NFKBIE: variants seen among roughly 807,000 people sequenced by gnomAD.
NFKBIE encodes the protein NFKB inhibitor epsilon.
A neutral mutation model predicts 31.6 loss-of-function variants in NFKBIE; 11 were observed. The observed-to-expected ratio is 0.35, with a 90% CI of 0.22 to 0.58. NFKBIE has a LOEUF of 0.58. Among genes scored for constraint, NFKBIE ranks in the 20% least tolerant of loss-of-function variants. NFKBIE has a pLI of 0.83. For missense variants in NFKBIE, 354 were observed against 465.7 expected, an observed-to-expected ratio of 0.76 and a Z score of 2.21; for synonymous variants, 208 against 210.1, an observed-to-expected ratio of 0.99 and a Z score of 0.09.
Position 44,265,488 on chromosome 6 carries a change from CG to C in NFKBIE, c.-143del, listed in dbSNP as rs1346777338. 6.5e-7 allele frequency: 1 copy of C among 1,532,364 alleles called. No individual in the cohort carries two copies. Among genetic ancestry groups the C allele is most frequent in the Non-Finnish European group, 8.8e-7 (1 of 1,142,324 alleles). 94.9% of individuals were successfully genotyped at this position (1,532,364 alleles called of 1,614,324 possible). A position where few individuals can be genotyped will look rare whatever the true frequency, so the allele number is the denominator to read the frequency against. ...GCCTCCTTCCCGGGCTGTGGGGCTC[CG>C]AGGGGCCGGCGCGCAGCGAGGACAA... On this transcript the variant is annotated 5_prime_UTR_variant, in exon 1 of 6. Coordinates refer to ENST00000619360, the MANE Select transcript of NFKBIE (RefSeq NM_004556.3).
At position 44,261,824 on chromosome 6, in the gene NFKBIE, G is replaced by T. The variant is rs1194014634; in HGVS notation, c.493C>A (p.Leu165Met). Residue 165 changes from leucine to methionine, a missense_variant, in exon 3 of 6, where the codon CTG (leucine) becomes ATG (methionine). Physicochemically the swap from Leu to Met is conservative, Grantham distance 15. Coordinates refer to ENST00000619360, the MANE Select transcript of NFKBIE (RefSeq NM_004556.3). This position sits in a 1 kb window ranked among gnomAD's most constrained non-coding sequence, Gnocchi z 4.3. ...GCCCGAACTGCGCCCGGTTGGTCCA[G>T]ATGTACAGCCAGATGGAGTGCTGTC... Reference protein sequence around the residue: ...YQTALHLAVHLDQPGAVRALV... With the variant: ...YQTALHLAVHMDQPGAVRALV... The T allele has an allele frequency of 2.5e-6, 4 of 1,611,488 alleles. No individual in the cohort carries two copies. The African/African-American group carries it at 5.3e-5, about 22-fold the overall frequency.
rs1003427606 is a variant in NFKBIE at position 44,265,368 on chromosome 6, G to A, written c.-22C>T. 3 of 1,562,070 alleles carry A rather than the reference G, an allele frequency of 1.9e-6. No individual in the cohort carries two copies. The South Asian group carries it at 3.5e-5, about 18-fold the overall frequency. On this transcript the variant is annotated 5_prime_UTR_variant, in exon 1 of 6. Coordinates refer to ENST00000619360, the MANE Select transcript of NFKBIE (RefSeq NM_004556.3). ...ACATGCCCGCGGCTCTGGCCGGCCGGGGCCCGGTCTGAGCAGGATCCGGCT... is the reference window on the plus strand; with the variant it reads ...ACATGCCCGCGGCTCTGGCCGGCCGAGGCCCGGTCTGAGCAGGATCCGGCT...
At chr6:44,264,875 A>T in intron 1 of NFKBIE, 107 bp downstream of exon 1, 1 of 1,219,678 alleles carries the variant, frequency 8.2e-7, no homozygotes, top group Non-Finnish European at 1.2e-6. Flanking sequence ...GGAAGAGCGA[A>T]TGGGGACTTG....
intron 1 of NFKBIE, among the ~76,000 whole-genome samples, chr6:44,263,000 T>C: frequency 6.6e-6 from 1 of 152,294 alleles, no homozygotes; most frequent in Non-Finnish European, 1.5e-5. Context: ...AAAGCCAAAT[T>C]GAAAGCTGCC....
chr6:44,259,338 T>C (rs369415581), intron 5 of NFKBIE, 54 bp from the exon 6 acceptor site: 1 of 1,431,478 alleles, frequency 7.0e-7, no homozygotes, highest in Non-Finnish European at 9.8e-7. Flanking sequence ...AAAGGTGACT[T>C]GGGAAAGGGG....
rs1226933400 is a variant in NFKBIE, at chr6:44,258,773, C to CTAA, written c.*445_*446insTTA. 6.4e-6 allele frequency: 1 copy of CTAA among 156,822 alleles called. No individual in the cohort carries two copies. Among genetic ancestry groups the CTAA allele is most frequent in the African/African-American group, 2.4e-5 (1 of 41,574 alleles). The allele number at this position is 156,822 out of a possible 1,614,324, so 9.7% of individuals were successfully genotyped here. On this transcript the variant is annotated 3_prime_UTR_variant, in exon 6 of 6. Coordinates refer to ENST00000619360, the MANE Select transcript of NFKBIE (RefSeq NM_004556.3). ...CAGTTCAGAGCCTTCTGTGTGAAGT[C>CTAA]TTTAAACAACGGTGTTTCAGGGTCC...
intron 5 of NFKBIE, 147 bp from the exon 6 acceptor site, chr6:44,259,431 T>C (rs1184965936): frequency 4.7e-6 from 3 of 642,670 alleles, no homozygotes; most frequent in Admixed American, 4.3e-5. Context: ...ACACGAATCC[T>C]CAAAATAGTG....
In NFKBIE at chr6:44,265,438, C is replaced by T. The variant is rs2233431; in HGVS notation, c.-92G>A. 2.0e-3 allele frequency: 2,981 copies of T among 1,522,404 alleles called. 37 individuals carry two copies. In the African/African-American group the frequency reaches 0.038, roughly 19 times the overall value. 94.3% of individuals were successfully genotyped at this position (1,522,404 alleles called of 1,614,324 possible). The stretch of plus-strand genomic sequence containing the variant: ...CTTTCCGGGTTGCGGGTCCGCTTGG[C>T]AGAGCGGGCGCCCGGCCCGCGGCGG... On this transcript the variant is annotated 5_prime_UTR_variant, in exon 1 of 6. Transcript: ENST00000619360.
In NFKBIE at chr6:44,260,177, G is replaced by A. The variant is rs368376328; in HGVS notation, c.886C>T (p.Leu296=). The change falls in exon 5 of 6, where the codon CTG becomes TTG. Residue 296 remains leucine, a synonymous_variant. Coordinates refer to ENST00000619360, the MANE Select transcript of NFKBIE (RefSeq NM_004556.3). The surrounding 1 kb of genome is among the most constrained non-coding windows in gnomAD (Gnocchi z 5.5). The part of the protein sequence containing the change: ...QAGAQVDARM[L]NGCTPLHLAA... Reference sequence around the variant, plus strand: ...AGGTGCAGGGGTGTGCACCCGTTCAGCATGCGGGCATCTACCTGGGCACCA... The same window carrying A: ...AGGTGCAGGGGTGTGCACCCGTTCAACATGCGGGCATCTACCTGGGCACCA... 5.0e-6 allele frequency: 8 copies of A among 1,614,208 alleles called. No individual in the cohort carries two copies. Among genetic ancestry groups the A allele is most frequent in the Non-Finnish European group, 5.1e-6 (6 of 1,180,034 alleles).
At chr6:44,262,275 C>G (rs1287883666) in intron 2 of NFKBIE, among the ~76,000 whole-genome samples, 4 of 152,190 alleles carry the variant, frequency 2.6e-5, no homozygotes, top group Admixed American at 6.5e-5. Flanking sequence ...TAAGCCTTCC[C>G]TGGCTGCTGC....
Position 44,258,919 on chromosome 6 carries a change from A to C in NFKBIE, c.*300T>G. 3.6e-6 allele frequency: 1 copy of C among 274,228 alleles called. No individual in the cohort carries two copies. The highest frequency in any genetic ancestry group is 7.4e-6 in the Non-Finnish European group (1 of 135,530). The allele number at this position is 274,228 out of a possible 1,614,324, so 17.0% of individuals were successfully genotyped here. A position where few individuals can be genotyped will look rare whatever the true frequency, so the allele number is the denominator to read the frequency against. The stretch of plus-strand genomic sequence containing the variant: ...AGTTTCAGGCTGACCCAACATGGGT[A>C]AAACAAGAGCACCTGCCATTTTCAA... On this transcript the variant is annotated 3_prime_UTR_variant, in exon 6 of 6. Transcript: ENST00000619360.
rs780042112 is a variant in NFKBIE, at chr6:44,260,280, C to T, written c.783G>A (p.Glu261=). ...LRNGADIDVQ[E]GTSGKTALHL... is the part of the protein sequence containing the mutation. ...GCAGCGCTGTCTTACCACTGGTGCC[C>T]TCCTGGGGAGGAATAAGGATGTCAG... is the stretch of plus-strand genomic sequence containing the variant. The change falls in exon 5 of 6, where the codon GAG becomes GAA. Residue 261 remains glutamate, a splice_region_variant and synonymous_variant. Transcript: ENST00000619360. The surrounding 1 kb of genome is among the most constrained non-coding windows in gnomAD (Gnocchi z 5.5). 1 of 1,608,324 alleles carries T rather than the reference C, an allele frequency of 6.2e-7. No homozygotes were observed. Among genetic ancestry groups the T allele is most frequent in the South Asian group, 1.1e-5 (1 of 91,000 alleles).
Position 44,260,784 on chromosome 6 carries a change from G to A in NFKBIE, c.692-245C>T, listed in dbSNP as rs1459788470. On this transcript the variant is annotated intron_variant, in intron 3 of 5. Transcript: ENST00000619360. The surrounding 1 kb of genome is among the most constrained non-coding windows in gnomAD (Gnocchi z 5.5). ...CATGCTTCAGGGGTCAGGCTGCTGA[G>A]TGACACCCCCAAAGAACACCCTCCT... 6.6e-6 allele frequency among the ~76,000 whole-genome samples: 1 copy of A among 150,628 alleles called. No homozygotes were observed. The highest frequency in any genetic ancestry group is 2.4e-5 in the African/African-American group (1 of 41,054).
chr6:44,264,459 CTG>C (rs534239771), intron 1 of NFKBIE, among the ~76,000 whole-genome samples: 3 of 152,170 alleles, frequency 2.0e-5, no homozygotes, highest in Non-Finnish European at 4.4e-5. Flanking sequence ...AGCCGCCTGT[CTG>C]TCTGCTGGGG....
Position 44,258,851 on chromosome 6 carries a change from G to A in NFKBIE, c.*368C>T, listed in dbSNP as rs566329095. 1 of 190,564 alleles carries A rather than the reference G, an allele frequency of 5.2e-6. No homozygotes were observed. The highest frequency in any genetic ancestry group is 1.1e-5 in the Non-Finnish European group (1 of 89,374). 11.8% of individuals were successfully genotyped at this position (190,564 alleles called of 1,614,324 possible). A position where few individuals can be genotyped will look rare whatever the true frequency, so the allele number is the denominator to read the frequency against. On this transcript the variant is annotated 3_prime_UTR_variant, in exon 6 of 6. Coordinates refer to ENST00000619360, the MANE Select transcript of NFKBIE (RefSeq NM_004556.3). Reference sequence around the variant, plus strand: ...CAGGGTTCTGCTTGCTCCTATTTCAGTCTCTTCTCACTCAGGAGAGTCCAT... The same window carrying A: ...CAGGGTTCTGCTTGCTCCTATTTCAATCTCTTCTCACTCAGGAGAGTCCAT...
chr6:44,264,124 C>A (rs939185264), intron 1 of NFKBIE, among the ~76,000 whole-genome samples: 3 of 152,170 alleles, frequency 2.0e-5, no homozygotes, highest in Non-Finnish European at 4.4e-5. Flanking sequence ...ATATGAGCAC[C>A]CTTGACCAGG....
At position 44,260,259 on chromosome 6, in the gene NFKBIE, C is replaced by T. The variant is rs139653621; in HGVS notation, c.804G>A (p.Ala268=). ...DVQEGTSGKT[A]LHLAVETQER... is the part of the protein sequence containing the mutation. ...CTTGGGTTTCCACAGCCAGGTGCAG[C>T]GCTGTCTTACCACTGGTGCCCTCCT... Residue 268 remains alanine (A), a synonymous_variant, in exon 5 of 6, where the codon GCG becomes GCA. Transcript: ENST00000619360. The surrounding 1 kb of genome is among the most constrained non-coding windows in gnomAD (Gnocchi z 5.5). The T allele has an allele frequency of 1.7e-4, 266 of 1,612,016 alleles. 1 individual carries two copies. Among genetic ancestry groups the T allele is most frequent in the Non-Finnish European group, 2.1e-4 (251 of 1,178,398 alleles).
chr6:44,265,485 C>T lies in NFKBIE; in HGVS notation c.-139G>A, dbSNP rs1275697713. 3 of 1,530,330 alleles carry T rather than the reference C, an allele frequency of 2.0e-6. No individual in the cohort carries two copies. Among genetic ancestry groups the T allele is most frequent in the African/African-American group, 1.4e-5 (1 of 71,032 alleles). The allele number at this position is 1,530,330 out of a possible 1,614,324, so 94.8% of individuals were successfully genotyped here. A position where few individuals can be genotyped will look rare whatever the true frequency, so the allele number is the denominator to read the frequency against. On this transcript the variant is annotated 5_prime_UTR_variant, in exon 1 of 6. Coordinates refer to ENST00000619360, the MANE Select transcript of NFKBIE (RefSeq NM_004556.3). The stretch of plus-strand genomic sequence containing the variant: ...GCGGCCTCCTTCCCGGGCTGTGGGG[C>T]TCCGAGGGGCCGGCGCGCAGCGAGG...
chr6:44,261,782 C>T lies in NFKBIE; in HGVS notation c.535G>A (p.Ala179Thr). 1 of 1,613,548 alleles carries T rather than the reference C, an allele frequency of 6.2e-7. No homozygotes were observed. The highest frequency in any genetic ancestry group is 8.5e-7 in the Non-Finnish European group (1 of 1,180,018). Reference sequence around the variant, plus strand: ...TGCCGGTCCTGTAGTGCCCGGCTGGCCCCCTTCAGCACCAGTGCCCGAACT... The same window carrying T: ...TGCCGGTCCTGTAGTGCCCGGCTGGTCCCCTTCAGCACCAGTGCCCGAACT... Reference protein sequence around the residue: ...GAVRALVLKGASRALQDRHGD... With the variant: ...GAVRALVLKGTSRALQDRHGD... The change falls in exon 3 of 6, where the codon GCC (alanine) becomes ACC (threonine). Residue 179 changes from alanine to threonine, a missense_variant. Ala to Thr is a moderately conservative substitution (Grantham distance 58). This residue lies in a region of NFKBIE where 183 missense variants were observed against 310.6 expected (regional missense o/e 0.59). Transcript: ENST00000619360. This position sits in a 1 kb window ranked among gnomAD's most constrained non-coding sequence, Gnocchi z 4.3.
Sources: allele counts gnomAD v4.1 joint callset (sites outside exome capture counted in the v4.1 genomes callset), GRCh38; gene constraint gnomAD v4.1.1; regional missense constraint gnomAD v4.1.1; non-coding constraint Gnocchi (gnomAD v3.1); transcripts MANE v1.5; gene names NCBI Gene and HGNC (gene_info 2026-07-23, HGNC 2026-07-21).